EPHB2: variants seen among roughly 807,000 people sequenced by gnomAD.
EPHB2 encodes EPH receptor B2, also known as ephrin type-B receptor 2.
In EPHB2, 18 loss-of-function variants were observed where a neutral mutation model predicts 96.4. That is an observed-to-expected ratio of 0.19 (90% confidence interval 0.13 to 0.28). The LOEUF is 0.28. EPHB2 is among the 10% of genes least tolerant of loss of function. The probability of loss-of-function intolerance (pLI) is 1.00; values close to 1 mark genes in which losing one functional copy is unlikely to be tolerated. For missense variants in EPHB2, 989 were observed against 1,355.4 expected (o/e 0.73, Z 4.25); for synonymous variants, 506 against 534.1 (o/e 0.95, Z 0.72).
At chr1:22,908,292 G>C in intron 12 of EPHB2, 124 bp downstream of exon 12, 1 of 1,125,836 alleles carries the variant, frequency 8.9e-7, no homozygotes, top group Non-Finnish European at 1.3e-6. Flanking sequence ...GGGCCCTGGA[G>C]ACAGGAAGAC....
chr1:22,727,551 CAG>C (rs1643608243), intron 1 of EPHB2, among the ~76,000 whole-genome samples: 1 of 152,152 alleles, frequency 6.6e-6, no homozygotes, highest in Non-Finnish European at 1.5e-5. Context: ...CCAGAATATG[CAG>C]AGTGTCAGAG....
chr1:22,808,371 T>C (rs1257736724), intron 3 of EPHB2, among the ~76,000 whole-genome samples: 1 of 152,166 alleles, frequency 6.6e-6, no homozygotes, highest in Non-Finnish European at 1.5e-5. Context: ...TGGGGACATA[T>C]CTGCTGAGTA....
chr1:22,910,646 C>G (rs1640069435), intron 14 of EPHB2, 71 bp downstream of exon 14: 1 of 1,563,186 alleles, frequency 6.4e-7, no homozygotes, highest in Admixed American at 1.8e-5. Flanking sequence ...CTTCTGCCCC[C>G]ACTTCAGGCA....
chr1:22,795,118 C>A (rs1644749068), intron 3 of EPHB2, among the ~76,000 whole-genome samples: 1 of 152,138 alleles, frequency 6.6e-6, no homozygotes, highest in Non-Finnish European at 1.5e-5. Context: ...GTTATCCTCA[C>A]TCCCCCCACC....
chr1:22,839,511 A>T (rs187889627), intron 3 of EPHB2, among the ~76,000 whole-genome samples: 164 of 152,312 alleles, frequency 1.1e-3, no homozygotes, highest in South Asian at 5.4e-3. Context: ...ATGGGGAGAA[A>T]GTCAGGGATA....
At chr1:22,801,005 A>T (rs1042136395) in intron 3 of EPHB2, among the ~76,000 whole-genome samples, 2 of 152,040 alleles carry the variant, frequency 1.3e-5, no homozygotes, top group Admixed American at 6.5e-5. Context: ...ACACACATAT[A>T]CCCACAGGAC....
intron 5 of EPHB2, among the ~76,000 whole-genome samples, chr1:22,881,705 C>T (rs1031687365): frequency 6.6e-6 from 1 of 152,194 alleles, no homozygotes; most frequent in African/African-American, 2.4e-5. Flanking sequence ...AGCGATTCTC[C>T]TGCCTCAGCC....
intron 3 of EPHB2, among the ~76,000 whole-genome samples, chr1:22,804,523 T>G (rs528972224): frequency 3.6e-4 from 55 of 152,220 alleles, no homozygotes; most frequent in African/African-American, 1.3e-3. Context: ...CACTCACACT[T>G]GGAAGTGCAT....
rs767878473 is a variant in EPHB2 at position 22,906,702 on chromosome 1, T to A, written c.1889-8T>A. On this transcript the variant is annotated splice_polypyrimidine_tract_variant and splice_region_variant and intron_variant, in intron 10 of 15. Coordinates refer to ENST00000374630, the MANE Select transcript of EPHB2 (RefSeq NM_017449.5). The surrounding 1 kb of genome is among the most constrained non-coding windows in gnomAD (Gnocchi z 4.8). ...GACATCCTGTCTGTCTTGGTGTTTC[T>A]CTCTCAGGGGAGTTTGGCGAGGTCT... 1 of 1,614,084 alleles carries A rather than the reference T, an allele frequency of 6.2e-7. No individual in the cohort carries two copies. Among genetic ancestry groups the A allele is most frequent in the Non-Finnish European group, 8.5e-7 (1 of 1,180,006 alleles).
Position 22,863,130 on chromosome 1 carries a change from A to C in EPHB2, c.905A>C (p.Asn302Thr). 1 of 1,614,176 alleles carries C rather than the reference A, an allele frequency of 6.2e-7. No individual in the cohort carries two copies. The stretch of plus-strand genomic sequence containing the variant: ...CGGACCACTTCTGAAGGGGCCACCA[A>C]CTGTGTCTGCCGCAATGGCTACTAC... ...NSRTTSEGAT[N>T]CVCRNGYYRA... is the part of the protein sequence containing the mutation. The change falls in exon 4 of 16, where the codon AAC becomes ACC. Residue 302 changes from asparagine (N) to threonine (T), a missense_variant. Transcript: ENST00000374630.
intron 3 of EPHB2, among the ~76,000 whole-genome samples, chr1:22,795,521 G>A (rs1293935611): frequency 2.0e-5 from 3 of 151,988 alleles, no homozygotes; most frequent in African/African-American, 7.3e-5. Flanking sequence ...TGGGAGAAAT[G>A]CCATTTGTAA....
rs12030616 is a variant in EPHB2, at chr1:22,767,775, C to T, written c.62-13646C>T. On this transcript the variant is annotated intron_variant, in intron 1 of 15. Coordinates refer to ENST00000374630, the MANE Select transcript of EPHB2 (RefSeq NM_017449.5). The stretch of plus-strand genomic sequence containing the variant: ...GCCCTGCTCCATGTCAAGGGCCCCA[C>T]CAGCCCCCATTCCAGAAGCTGGCTC... 2.2e-4 allele frequency among the ~76,000 whole-genome samples: 33 copies of T among 152,318 alleles called. No homozygotes were observed. In the East Asian group the frequency reaches 6.0e-3, roughly 28 times the overall value.
chr1:22,713,043 C>G (rs778742548), intron 1 of EPHB2, among the ~76,000 whole-genome samples: 3 of 152,156 alleles, frequency 2.0e-5, no homozygotes, highest in African/African-American at 7.2e-5. Context: ...TGTGGCCAGC[C>G]TGGACCCTGG....
intron 1 of EPHB2, among the ~76,000 whole-genome samples, chr1:22,747,846 C>T (rs970502039): frequency 6.6e-5 from 10 of 152,246 alleles, no homozygotes; most frequent in African/African-American, 2.4e-4. Flanking sequence ...GGTGGCCCCA[C>T]TCAGCCACTG....
At chr1:22,776,504 G>A (rs963535422) in intron 1 of EPHB2, among the ~76,000 whole-genome samples, 1 of 152,226 alleles carries the variant, frequency 6.6e-6, no homozygotes, top group Non-Finnish European at 1.5e-5. Context: ...TGGGGATGGA[G>A]ATAGAAACAT....
intron 3 of EPHB2, among the ~76,000 whole-genome samples, chr1:22,803,860 G>A (rs1160303548): frequency 1.3e-5 from 2 of 151,528 alleles, no homozygotes; most frequent in Admixed American, 1.3e-4. Context: ...GCTGCAGTGA[G>A]CTGTGATTGC....
rs747474406 is a variant in EPHB2 at position 22,865,224 on chromosome 1, C to T, written c.1303+12C>T. ...CACCAACCAGGCAGGTAAGTGCTTC[C>T]GACGTGGGCCAGGGGAGTGCCCCAT... On this transcript the variant is annotated intron_variant, in intron 5 of 15. Coordinates refer to ENST00000374630, the MANE Select transcript of EPHB2 (RefSeq NM_017449.5). 29 of 1,614,030 alleles carry T rather than the reference C, an allele frequency of 1.8e-5. No individual in the cohort carries two copies. Among genetic ancestry groups the T allele is most frequent in the African/African-American group, 2.7e-5 (2 of 74,918 alleles).
chr1:22,761,305 T>C (rs1172689871), intron 1 of EPHB2, among the ~76,000 whole-genome samples: 1 of 152,216 alleles, frequency 6.6e-6, no homozygotes, highest in African/African-American at 2.4e-5. Flanking sequence ...CACCAAAATG[T>C]TGGCAGTGGT....
chr1:22,860,115 C>T lies in EPHB2; in HGVS notation c.812-2922C>T, dbSNP rs1021707051. Among the ~76,000 whole-genome samples, 12 of 152,088 alleles carry T rather than the reference C, an allele frequency of 7.9e-5. No homozygotes were observed. Among genetic ancestry groups the T allele is most frequent in the Non-Finnish European group, 4.4e-5 (3 of 68,010 alleles). On this transcript the variant is annotated intron_variant, in intron 3 of 15. Transcript: ENST00000374630. This position sits in a 1 kb window ranked among gnomAD's most constrained non-coding sequence, Gnocchi z 4.6. ...TCAATGCTTCGTTCCTTTTTATGGCCGAATAGTATTCCAACGTATGTGCCA... is the reference window on the plus strand; with the variant it reads ...TCAATGCTTCGTTCCTTTTTATGGCTGAATAGTATTCCAACGTATGTGCCA...
Sources: gnomAD v4.1 joint callset for allele counts (sites outside exome capture counted in the v4.1 genomes callset) on GRCh38, gnomAD v4.1.1 for gene constraint, Gnocchi (gnomAD v3.1) non-coding constraint, MANE v1.5 for transcripts, NCBI Gene and HGNC (gene_info 2026-07-23, HGNC 2026-07-21) for gene names.